RIMS2: variants seen among roughly 807,000 people sequenced by gnomAD.
RIMS2 encodes the protein regulating synaptic membrane exocytosis 2.
Under a neutral mutation model 174.4 loss-of-function variants are expected in RIMS2, and 59 were observed. The ratio of observed to expected loss-of-function variants is 0.34; its 90% CI spans 0.27 to 0.42. The LOEUF (loss-of-function observed/expected upper bound fraction) is 0.42. RIMS2 is among the 10% of genes least tolerant of loss of function. The pLI is 1.00. For synonymous variants in RIMS2, 606 were observed against 572.5 expected (o/e 1.06, Z -0.84); for missense variants, 1,620 against 1,666.3 (o/e 0.97, Z 0.48).
intron 1 of RIMS2, among the ~76,000 whole-genome samples, chr8:103,648,591 C>CT (rs2096389432): frequency 6.6e-6 from 1 of 152,020 alleles, no homozygotes; most frequent in Non-Finnish European, 1.5e-5. Flanking sequence ...CGTTTTGTCT[C>CT]TAAGAACTTG....
chr8:104,017,779 C>T (rs2095963325), intron 19 of RIMS2, among the ~76,000 whole-genome samples: 1 of 152,196 alleles, frequency 6.6e-6, no homozygotes, highest in East Asian at 1.9e-4. Flanking sequence ...CAAAAATAAC[C>T]TATTGGGCCA....
intron 16 of RIMS2, chr8:103,975,723 G>T (rs2093357599): frequency 2.7e-6 from 1 of 372,450 alleles, no homozygotes; most frequent in Non-Finnish European, 4.8e-6. Flanking sequence ...CATTTTGAAA[G>T]GCTTAAAACC....
At chr8:103,798,214 CAT>C (rs1370272862) in intron 3 of RIMS2, among the ~76,000 whole-genome samples, 7 of 151,996 alleles carry the variant, frequency 4.6e-5, no homozygotes, top group South Asian at 2.1e-4. Context: ...GTTATATAAA[CAT>C]AAATATTTGA....
At chr8:103,763,779 C>T (rs1409679520) in intron 2 of RIMS2, among the ~76,000 whole-genome samples, 1 of 151,988 alleles carries the variant, frequency 6.6e-6, no homozygotes, top group Non-Finnish European at 1.5e-5. Context: ...ATAGTGTTTC[C>T]AATTCTTTTT....
intron 19 of RIMS2, among the ~76,000 whole-genome samples, chr8:104,226,180 A>G (rs933644985): frequency 6.6e-6 from 1 of 152,220 alleles, no homozygotes; most frequent in Non-Finnish European, 1.5e-5. Context: ...ACTGGTTAAT[A>G]GCAACTTGTC....
chr8:103,576,008 T>TA (rs1383527522), intron 1 of RIMS2, among the ~76,000 whole-genome samples: 1 of 152,178 alleles, frequency 6.6e-6, no homozygotes, highest in African/African-American at 2.4e-5. Context: ...AAGGAAAAAT[T>TA]ATCCTTGAGG....
At chr8:104,195,675 T>C (rs2099020745) in intron 19 of RIMS2, among the ~76,000 whole-genome samples, 1 of 151,952 alleles carries the variant, frequency 6.6e-6, no homozygotes, top group African/African-American at 2.4e-5. Flanking sequence ...TCGCCATGCC[T>C]GGCTAATTTT....
At chr8:103,568,610 T>C in intron 1 of RIMS2, 2 of 573,818 alleles carry the variant, frequency 3.5e-6, no homozygotes, top group South Asian at 1.6e-5. Flanking sequence ...CTGTGATCAG[T>C]TGTGACTGTG....
At chr8:104,148,080 C>G (rs941476604) in intron 19 of RIMS2, among the ~76,000 whole-genome samples, 1 of 151,580 alleles carries the variant, frequency 6.6e-6, no homozygotes, top group South Asian at 2.1e-4. Flanking sequence ...AAATAGCAAG[C>G]CTTTTTAGAA....
In RIMS2 at chr8:103,953,662, GACCA is replaced by G. The variant is rs2086165041; in HGVS notation, c.2702-7402_2702-7399del. On this transcript the variant is annotated intron_variant, in intron 14 of 23. Transcript: ENST00000504942. The stretch of plus-strand genomic sequence containing the variant: ...CTGCAAAAACACACCAAATTGTAAA[GACCA>G]TCGACATTATGAAGAAACTGCATAA... 2.0e-5 allele frequency among the ~76,000 whole-genome samples: 3 copies of G among 152,120 alleles called. No individual in the cohort carries two copies. The East Asian group carries it at 5.8e-4, about 29-fold the overall frequency.
intron 1 of RIMS2, among the ~76,000 whole-genome samples, chr8:103,559,582 A>G (rs780461194): frequency 6.6e-6 from 1 of 152,112 alleles, no homozygotes; most frequent in Non-Finnish European, 1.5e-5. Flanking sequence ...TTAGAATGTG[A>G]TCTTTTCCTA....
At chr8:104,047,524 T>G (rs1040617893) in intron 19 of RIMS2, among the ~76,000 whole-genome samples, 2 of 152,108 alleles carry the variant, frequency 1.3e-5, no homozygotes, top group African/African-American at 4.8e-5. Context: ...ATGGGAATAA[T>G]TATAGTACTA....
intron 2 of RIMS2, among the ~76,000 whole-genome samples, chr8:103,753,013 A>G (rs1232390221): frequency 1.3e-5 from 2 of 151,948 alleles, no homozygotes; most frequent in African/African-American, 2.4e-5. Flanking sequence ...GTCTTGTGCC[A>G]GTTTTCAAAG....
intron 2 of RIMS2, among the ~76,000 whole-genome samples, chr8:103,735,179 G>C (rs956512135): frequency 5.3e-5 from 8 of 152,096 alleles, no homozygotes; most frequent in African/African-American, 1.9e-4. Context: ...TCTCCTCAAA[G>C]AGCCTTGTTA....
At chr8:103,737,535 A>G (rs907756365) in intron 2 of RIMS2, among the ~76,000 whole-genome samples, 6 of 149,822 alleles carry the variant, frequency 4.0e-5, no homozygotes, top group African/African-American at 1.2e-4. Context: ...CCAACCTTTC[A>G]TACGTCTACT....
chr8:103,532,657 G>A (rs1837728799), intron 1 of RIMS2, among the ~76,000 whole-genome samples: 1 of 152,212 alleles, frequency 6.6e-6, no homozygotes. Context: ...TTGAGACAGT[G>A]ACTATATGTG....
At chr8:103,646,410 G>C (rs536542106) in intron 1 of RIMS2, among the ~76,000 whole-genome samples, 2 of 152,090 alleles carry the variant, frequency 1.3e-5, no homozygotes, top group Admixed American at 6.5e-5. Context: ...AAGTTCAGGG[G>C]TACATGTGCC....
At chr8:103,595,406 C>T (rs940119454) in intron 1 of RIMS2, among the ~76,000 whole-genome samples, 1 of 151,868 alleles carries the variant, frequency 6.6e-6, no homozygotes, top group East Asian at 1.9e-4. Flanking sequence ...CCCTCACCCT[C>T]AAGTTTTTCA....
intron 3 of RIMS2, among the ~76,000 whole-genome samples, chr8:103,772,310 G>A (rs1000727507): frequency 1.1e-4 from 17 of 151,850 alleles, no homozygotes; most frequent in Non-Finnish European, 1.9e-4. Flanking sequence ...GTAGAATATA[G>A]TCAATGTCTG....
Sources: gnomAD v4.1 joint callset for allele counts (sites outside exome capture counted in the v4.1 genomes callset) on GRCh38, gnomAD v4.1.1 for gene constraint, MANE v1.5 for transcripts, NCBI Gene and HGNC (gene_info 2026-07-23, HGNC 2026-07-21) for gene names.